FNIP1: variants seen among roughly 807,000 people sequenced by gnomAD.
The protein encoded by FNIP1 is folliculin-interacting protein 1.
A neutral mutation model predicts 124.5 loss-of-function variants in FNIP1; 40 were observed. That is an observed-to-expected ratio of 0.32 (90% CI 0.25 to 0.42). The LOEUF (loss-of-function observed/expected upper bound fraction) is 0.42. FNIP1 is among the 10% of genes least tolerant of loss of function. The pLI, the probability that FNIP1 is intolerant of heterozygous loss-of-function variation, is 1.00. For missense variants in FNIP1, 1,176 were observed against 1,403.7 expected, an observed-to-expected ratio of 0.84 and a Z score of 2.59; for synonymous variants, 472 against 470.6, an observed-to-expected ratio of 1.00 and a Z score of -0.04.
At position 131,693,235 on chromosome 5, in the gene FNIP1, A is replaced by T. The variant is rs1156236710; in HGVS notation, c.1202+5682T>A. On this transcript the variant is annotated intron_variant, in intron 11 of 17. Transcript: ENST00000510461. ...CAAAACATCATTTTATACACTATAA[A>T]GATACACAATTTTTACCTGTCAACT... is the stretch of plus-strand genomic sequence containing the variant. Among the ~76,000 whole-genome samples the T allele has an allele frequency of 4.8e-5, 7 of 145,242 alleles. No individual in the cohort carries two copies. In the East Asian group the frequency reaches 1.4e-3, roughly 29 times the overall value.
At chr5:131,693,303 T>TATATATATAC (rs1554094441) in intron 11 of FNIP1, among the ~76,000 whole-genome samples, 536 of 29,120 alleles carry the variant, frequency 0.018, 32 homozygotes, top group South Asian at 0.024. Flanking sequence ...TATACATATA[T>TATATATATAC]ATATATATAT....
intron 3 of FNIP1, among the ~76,000 whole-genome samples, chr5:131,724,513 G>C (rs1769788182): frequency 6.6e-6 from 1 of 152,112 alleles, no homozygotes; most frequent in South Asian, 2.1e-4. Context: ...GTCTTCTTTT[G>C]AGAAGTGTCT....
chr5:131,767,427 C>CAAAAAAAA lies in FNIP1; in HGVS notation c.93-22745_93-22738dup, dbSNP rs139550903. Among the ~76,000 whole-genome samples, 22 of 64,012 alleles carry CAAAAAAAA rather than the reference C, an allele frequency of 3.4e-4. 1 individual carries two copies. The highest frequency in any genetic ancestry group is 1.0e-3 in the South Asian group (1 of 978). 42.0% of individuals were successfully genotyped at this position (64,012 alleles called of 152,430 possible). On this transcript the variant is annotated intron_variant, in intron 1 of 17. Coordinates refer to ENST00000510461, the MANE Select transcript of FNIP1 (RefSeq NM_133372.3). ...CTGGTGACAGAGTGAGATTCTGTCTCAAAAAAAAAAAAAAAAAAAAAAAAA... is the reference window on the plus strand; with the variant it reads ...CTGGTGACAGAGTGAGATTCTGTCTCAAAAAAAAAAAAAAAAAAAAAAAAAAAAAAAAA...
chr5:131,783,029 C>T (rs756607014), intron 1 of FNIP1, among the ~76,000 whole-genome samples: 59 of 152,242 alleles, frequency 3.9e-4, no homozygotes, highest in Non-Finnish European at 5.0e-4. Flanking sequence ...TGCTACTACA[C>T]ACTTAACAGA....
intron 3 of FNIP1, among the ~76,000 whole-genome samples, chr5:131,730,075 C>A (rs1770027679): frequency 6.6e-6 from 1 of 152,068 alleles, no homozygotes; most frequent in African/African-American, 2.4e-5. Context: ...ACAAAACTTT[C>A]AAAGTTGTGC....
chr5:131,681,773 A>AC (rs1374463548), intron 11 of FNIP1, among the ~76,000 whole-genome samples: 3 of 151,668 alleles, frequency 2.0e-5, no homozygotes, highest in East Asian at 3.9e-4. Flanking sequence ...AAAAAAAAAA[A>AC]AAAAACGGAT....
chr5:131,671,010 AAAC>A (rs926763852), intron 14 of FNIP1, among the ~76,000 whole-genome samples: 4 of 152,318 alleles, frequency 2.6e-5, no homozygotes, highest in African/African-American at 9.6e-5. Flanking sequence ...CAGATTATGA[AAAC>A]AATCATCTAA....
Position 131,732,928 on chromosome 5 carries a change from T to C in FNIP1, c.220-1890A>G, listed in dbSNP as rs1366571233. Among the ~76,000 whole-genome samples, 11 of 152,272 alleles carry C rather than the reference T, an allele frequency of 7.2e-5. No individual in the cohort carries two copies. In the East Asian group the frequency reaches 7.7e-4, roughly 11 times the overall value. On this transcript the variant is annotated intron_variant, in intron 2 of 17. Transcript: ENST00000510461. The stretch of plus-strand genomic sequence containing the variant: ...TATAAATTACCTTGGGCAGTATGGC[T>C]ATTTTCACGATATTGATTCTTTCTA...
At chr5:131,716,399 T>A (rs554997504) in intron 6 of FNIP1, among the ~76,000 whole-genome samples, 166 bp downstream of exon 6, 42 of 152,348 alleles carry the variant, frequency 2.8e-4, no homozygotes, top group African/African-American at 9.1e-4. Context: ...AAATATGTTT[T>A]CCAAATAAAT....
At chr5:131,742,796 T>C (rs1200037767) in intron 2 of FNIP1, among the ~76,000 whole-genome samples, 1 of 152,210 alleles carries the variant, frequency 6.6e-6, no homozygotes, top group Non-Finnish European at 1.5e-5. Context: ...TCTTTCCATA[T>C]ATAGAACCCA....
intron 8 of FNIP1, among the ~76,000 whole-genome samples, chr5:131,706,892 A>C (rs1202190323): frequency 6.6e-6 from 1 of 152,224 alleles, no homozygotes; most frequent in Non-Finnish European, 1.5e-5. Context: ...ATTAAAGGAA[A>C]TCTGATGCTA....
At chr5:131,748,992 TCA>T (rs912161580) in intron 1 of FNIP1, among the ~76,000 whole-genome samples, 17 of 152,114 alleles carry the variant, frequency 1.1e-4, no homozygotes, top group Non-Finnish European at 1.9e-4. Flanking sequence ...TGTTTGTGTC[TCA>T]GTTTTTAACA....
rs112070455 is a variant in FNIP1, at chr5:131,679,631, T to C, written c.1203-456A>G. ...AAAACAACAGTTTATCTGCATCATTTTGTTGCCTATGCTAAGACTCTAGTA... is the reference window on the plus strand; with the variant it reads ...AAAACAACAGTTTATCTGCATCATTCTGTTGCCTATGCTAAGACTCTAGTA... On this transcript the variant is annotated intron_variant, in intron 11 of 17. Coordinates refer to ENST00000510461, the MANE Select transcript of FNIP1 (RefSeq NM_133372.3). Among the ~76,000 whole-genome samples, 980 of 152,376 alleles carry C rather than the reference T, an allele frequency of 6.4e-3. 11 individuals are homozygous for C. The highest frequency in any genetic ancestry group is 0.019 in the African/African-American group (777 of 41,604).
chr5:131,699,560 AT>A (rs1282321803), intron 10 of FNIP1, among the ~76,000 whole-genome samples: 4 of 151,680 alleles, frequency 2.6e-5, no homozygotes, highest in African/African-American at 9.7e-5. Context: ...CGCCTGGCTA[AT>A]TTTTATATTT....
At chr5:131,795,652 G>T (rs1334301121) in intron 1 of FNIP1, 1 of 152,168 alleles carries the variant, frequency 6.6e-6, no homozygotes, top group Non-Finnish European at 1.5e-5. Flanking sequence ...CAGATACGTA[G>T]AAAAACCTCT....
chr5:131,693,335 T>TATATATATATATATATATAC (rs1768567335), intron 11 of FNIP1, among the ~76,000 whole-genome samples: 1 of 98,036 alleles, frequency 1.0e-5, no homozygotes, highest in African/African-American at 5.4e-5. Flanking sequence ...TATATATACA[T>TATATATATATATATATATAC]ATATATATAT....
intron 13 of FNIP1, among the ~76,000 whole-genome samples, chr5:131,674,031 C>T (rs901909426): frequency 6.6e-6 from 1 of 150,760 alleles, no homozygotes; most frequent in Non-Finnish European, 1.5e-5. Context: ...AGCAAGACTC[C>T]GTCTCAAAAA....
At chr5:131,775,969 T>C (rs577873589) in intron 1 of FNIP1, among the ~76,000 whole-genome samples, 300 of 152,356 alleles carry the variant, frequency 2.0e-3, no homozygotes, top group African/African-American at 6.6e-3. Context: ...ATATGCCACA[T>C]TTTTAATCTA....
At chr5:131,676,630 G>A (rs1012670051) in intron 13 of FNIP1, among the ~76,000 whole-genome samples, 1 of 152,050 alleles carries the variant, frequency 6.6e-6, no homozygotes, top group African/African-American at 2.4e-5. Flanking sequence ...GTGGTGTTAC[G>A]CGCCTGTAGT....
Sources: gnomAD v4.1 joint callset for allele counts (sites outside exome capture counted in the v4.1 genomes callset) on GRCh38, gnomAD v4.1.1 for gene constraint, MANE v1.5 for transcripts, NCBI Gene and HGNC (gene_info 2026-07-23, HGNC 2026-07-21) for gene names.